The following ROS1 variants were observed in gnomAD, a reference collection of about 807,000 sequenced individuals.
The protein encoded by ROS1 is ROS proto-oncogene 1, receptor tyrosine kinase.
Under a neutral mutation model 273.5 loss-of-function variants are expected in ROS1, and 263 were observed. That is an observed-to-expected ratio of 0.96 (90% CI 0.87 to 1.06). The LOEUF (loss-of-function observed/expected upper bound fraction) is 1.06. ROS1 is among the 50% of genes least tolerant of loss of function. ROS1 has a pLI of 0.00. For synonymous variants in ROS1, 1,008 were observed against 954.1 expected, an observed-to-expected ratio of 1.06 and a Z score of -1.04; for missense variants, 2,833 against 2,751.1, an observed-to-expected ratio of 1.03 and a Z score of -0.67.
At chr6:117,415,838 A>G (rs545341064) in intron 3 of ROS1, among the ~76,000 whole-genome samples, 3 of 152,306 alleles carry the variant, frequency 2.0e-5, no homozygotes, top group East Asian at 1.9e-4. Flanking sequence ...AACACCTGGG[A>G]GCTTGTTACA....
rs888269782 is a variant in ROS1 at position 117,337,250 on chromosome 6, A to C, written c.5152T>G (p.Ser1718Ala). ...CNITNLQPYTSYNVRVVVVYK... is the reference protein window; with the variant it reads ...CNITNLQPYTAYNVRVVVVYK... ...ACCACCACTACTCTGACATTATATGAAGTATAAGGTTGTAGATTTGTGATA... is the reference window on the plus strand; with the variant it reads ...ACCACCACTACTCTGACATTATATGCAGTATAAGGTTGTAGATTTGTGATA... The change falls in exon 32 of 44, where the codon TCA (serine) becomes GCA (alanine). Residue 1718 changes from serine to alanine, a missense_variant. Transcript: ENST00000368507. 7 of 1,611,954 alleles carry C rather than the reference A, an allele frequency of 4.3e-6. No individual in the cohort carries two copies. The Admixed American group carries it at 5.0e-5, about 12-fold the overall frequency.
At chr6:117,372,557 C>T (rs568386222) in intron 18 of ROS1, among the ~76,000 whole-genome samples, 22 of 152,226 alleles carry the variant, frequency 1.4e-4, no homozygotes, top group African/African-American at 5.3e-4. Context: ...TTCTGATGTT[C>T]GGATGTGTTT....
intron 42 of ROS1, 76 bp downstream of exon 42, chr6:117,308,718 C>T (rs1775305808): frequency 7.1e-7 from 1 of 1,415,846 alleles, no homozygotes; most frequent in Non-Finnish European, 9.6e-7. Context: ...ATTTAACAAA[C>T]TATATCAAGA....
chr6:117,354,511 A>C (rs532428950), intron 26 of ROS1, among the ~76,000 whole-genome samples: 1 of 152,342 alleles, frequency 6.6e-6, no homozygotes, highest in African/African-American at 2.4e-5. Flanking sequence ...TAAATATAAG[A>C]AAAAAACTAA....
At chr6:117,414,190 A>G (rs562923574) in intron 4 of ROS1, among the ~76,000 whole-genome samples, 1 of 152,216 alleles carries the variant, frequency 6.6e-6, no homozygotes, top group East Asian at 1.9e-4. Flanking sequence ...TCTCCCCTCC[A>G]TTACCCCAAC....
chr6:117,419,651 G>A (rs1391203544), intron 1 of ROS1, among the ~76,000 whole-genome samples: 1 of 152,146 alleles, frequency 6.6e-6, no homozygotes, highest in Non-Finnish European at 1.5e-5. Context: ...TAAAAATCAG[G>A]TGAGAGATAA....
chr6:117,396,968 C>T lies in ROS1; in HGVS notation c.753G>A (p.Gly251=), dbSNP rs1773536661. Residue 251 remains glycine (G), a synonymous_variant, in exon 8 of 44, where the codon GGG becomes GGA. Transcript: ENST00000368507. ...AAAACTGGAAACTGGTTCTCTGTGTCCCTGCATCTAATTTTTGATTTTTGC... is the reference window on the plus strand; with the variant it reads ...AAAACTGGAAACTGGTTCTCTGTGTTCCTGCATCTAATTTTTGATTTTTGC... ...LISKNQKLDA[G]TQRTSFQFYS... is the part of the protein sequence containing the mutation. The T allele has an allele frequency of 1.2e-6, 2 of 1,614,038 alleles. No homozygotes were observed. The highest frequency in any genetic ancestry group is 8.5e-7 in the Non-Finnish European group (1 of 1,179,974).
At chr6:117,365,497 G>A (rs1780139385) in intron 20 of ROS1, 84 bp downstream of exon 20, 2 of 1,172,162 alleles carry the variant, frequency 1.7e-6, no homozygotes, top group African/African-American at 1.5e-5. Context: ...GCTAAGTCAA[G>A]ATGATACAGG....
chr6:117,379,286 T>G, intron 17 of ROS1, 127 bp from the exon 18 acceptor site: 1 of 615,428 alleles, frequency 1.6e-6, no homozygotes, highest in Non-Finnish European at 2.8e-6. Context: ...TCAGTAATTT[T>G]TACTTTTTTC....
chr6:117,305,232 A>C (rs1444603271), intron 42 of ROS1, among the ~76,000 whole-genome samples: 1 of 152,172 alleles, frequency 6.6e-6, no homozygotes, highest in Non-Finnish European at 1.5e-5. Context: ...ATACTTACTT[A>C]TAACCTGCTT....
chr6:117,344,465 G>T (rs537394693), intron 27 of ROS1, among the ~76,000 whole-genome samples: 2 of 152,310 alleles, frequency 1.3e-5, no homozygotes, highest in East Asian at 3.9e-4. Context: ...GATACTGTGT[G>T]TAGTATGTGT....
intron 17 of ROS1, among the ~76,000 whole-genome samples, chr6:117,381,302 TAA>T (rs999200624): frequency 4.6e-5 from 7 of 151,938 alleles, no homozygotes; most frequent in African/African-American, 1.7e-4. Flanking sequence ...TGTACAGCTG[TAA>T]AGGCTGAGAT....
At chr6:117,317,354 C>A (rs1048757774) in intron 38 of ROS1, 82 bp from the exon 39 acceptor site, 24 of 1,438,236 alleles carry the variant, frequency 1.7e-5, no homozygotes, top group Non-Finnish European at 2.3e-5. Context: ...TACAGCAATT[C>A]TTTATCAATA....
At chr6:117,313,407 C>T (rs1039379379) in intron 39 of ROS1, among the ~76,000 whole-genome samples, 7 of 151,704 alleles carry the variant, frequency 4.6e-5, no homozygotes, top group Non-Finnish European at 8.8e-5. Flanking sequence ...GTCTCTACTA[C>T]AAAAAATATA....
chr6:117,342,485 T>C lies in ROS1; in HGVS notation c.4566A>G (p.Ile1522Met). ...EDLQPFSTYM[I>M]QIAVKNYYSD... Reference sequence around the variant, plus strand: ...AATAATAATTTTTTACAGCTATCTGTATCATGTATGTTGAAAATGGTTGTA... The same window carrying C: ...AATAATAATTTTTTACAGCTATCTGCATCATGTATGTTGAAAATGGTTGTA... The change falls in exon 29 of 44, where the codon ATA (isoleucine) becomes ATG (methionine). Residue 1522 changes from isoleucine (I) to methionine (M), a missense_variant. By Grantham distance (10) the Ile-to-Met change is conservative. Coordinates refer to ENST00000368507, the MANE Select transcript of ROS1 (RefSeq NM_001378902.1). 6.9e-6 allele frequency: 11 copies of C among 1,604,318 alleles called. No individual in the cohort carries two copies. The highest frequency in any genetic ancestry group is 9.4e-6 in the Non-Finnish European group (11 of 1,172,016).
At chr6:117,391,720 G>A (rs1368690390) in intron 12 of ROS1, among the ~76,000 whole-genome samples, 1 of 152,148 alleles carries the variant, frequency 6.6e-6, no homozygotes, top group African/African-American at 2.4e-5. Context: ...GGAGCTAGAA[G>A]TCCTGGAGCA....
chr6:117,310,956 C>G, intron 40 of ROS1, 64 bp downstream of exon 40: 1 of 932,812 alleles, frequency 1.1e-6, no homozygotes, highest in South Asian at 1.5e-5. Flanking sequence ...TGTGCTTTAC[C>G]TGCACTACAG....
At chr6:117,404,557 G>T in intron 5 of ROS1, 129 bp from the exon 6 acceptor site, 1 of 739,354 alleles carries the variant, frequency 1.4e-6, no homozygotes, top group Non-Finnish European at 2.2e-6. Flanking sequence ...TAACTCACTT[G>T]AATAATCAAT....
chr6:117,410,274 C>T (rs565932426), intron 4 of ROS1, among the ~76,000 whole-genome samples: 3 of 152,170 alleles, frequency 2.0e-5, no homozygotes, highest in African/African-American at 4.8e-5. Context: ...CAATTATCTG[C>T]TTGCCATTTT....
Sources: gnomAD v4.1 joint callset for allele counts (sites outside exome capture counted in the v4.1 genomes callset) on GRCh38, gnomAD v4.1.1 for gene constraint, MANE v1.5 for transcripts, NCBI Gene and HGNC (gene_info 2026-07-23, HGNC 2026-07-21) for gene names.